The following SRPX2 variants were observed in gnomAD, a reference collection of about 807,000 sequenced individuals.
The protein encoded by SRPX2 is sushi repeat-containing protein SRPX2.
SRPX2 carries 26 observed loss-of-function variants against 45.3 expected under a neutral mutation model. The observed-to-expected ratio is 0.57, with a 90% confidence interval of 0.42 to 0.80. SRPX2 has a LOEUF of 0.80. Ranked by LOEUF, SRPX2 falls within the 30% of genes least tolerant of loss-of-function variation. The pLI is 0.00. For missense variants in SRPX2, 355 were observed against 399.8 expected, an observed-to-expected ratio of 0.89 and a Z score of 0.95; for synonymous variants, 125 against 143.7, an observed-to-expected ratio of 0.87 and a Z score of 0.93.
rs994912682 is a variant in SRPX2, at chrX:100,673,271, G to C, written c.*2284G>C. On this transcript the variant is annotated 3_prime_UTR_variant, in exon 11 of 11. Coordinates refer to ENST00000373004, the MANE Select transcript of SRPX2 (RefSeq NM_014467.3). ...AGAGCTCCACCTGGACCTGACTCAA[G>C]GAACATTTATATGCAACTGAGGAGC... 3.5e-4 allele frequency: 39 copies of C among 112,331 alleles called. No individual in the cohort carries two copies. The highest frequency in any genetic ancestry group is 1.2e-3 in the African/African-American group (38 of 30,918). The allele number at this position is 112,331 out of a possible 1,213,427, so 9.3% of individuals were successfully genotyped here. A position where few individuals can be genotyped will look rare whatever the true frequency, so the allele number is the denominator to read the frequency against.
At chrX:100,650,942 A>C in intron 3 of SRPX2, 77 bp downstream of exon 3, 1 of 840,973 alleles carries the variant, frequency 1.2e-6, no homozygotes, top group Non-Finnish European at 1.8e-6. Context: ...AAGCATCCCC[A>C]TCAGGCTTGG....
chrX:100,651,805 A>AG (rs1435607862), intron 3 of SRPX2, among the ~76,000 whole-genome samples: 4 of 109,341 alleles, frequency 3.7e-5, no homozygotes, highest in Non-Finnish European at 7.6e-5. Context: ...AAAAAAAAAA[A>AG]AAAGTTAAAT....
chrX:100,668,327 CAA>C (rs1267822417), intron 9 of SRPX2, among the ~76,000 whole-genome samples: 8 of 34,349 alleles, frequency 2.3e-4, no homozygotes, highest in Middle Eastern at 0.026. Flanking sequence ...AGCAGTTTTA[CAA>C]AAAAAAAAAA....
At position 100,644,768 on chromosome X, in the gene SRPX2, T is replaced by C. The variant is rs770129404; in HGVS notation, c.-131+253T>C. ...GGTGAGTCAAGTATTAAGCCTGAGATTGGGGAGAAGCTGGGCAGGTACGAG... is the reference window on the plus strand; with the variant it reads ...GGTGAGTCAAGTATTAAGCCTGAGACTGGGGAGAAGCTGGGCAGGTACGAG... On this transcript the variant is annotated intron_variant, in intron 1 of 10. Transcript: ENST00000373004. Among the ~76,000 whole-genome samples the C allele has an allele frequency of 4.3e-4, 48 of 110,942 alleles. No homozygotes were observed. In the South Asian group the frequency reaches 0.014, roughly 33 times the overall value.
intron 10 of SRPX2, 28 bp downstream of exon 10, chrX:100,669,397 GGGGGAGGGGGGGCT>G: frequency 1.1e-5 from 11 of 1,009,769 alleles, no homozygotes; most frequent in Non-Finnish European, 1.5e-5. Flanking sequence ...GCCAAACTTG[GGGGGAGGGGGGGCT>G]GGGGCGGGGG....
At chrX:100,664,215 A>ATT (rs5903167) in intron 4 of SRPX2, among the ~76,000 whole-genome samples, 19,877 of 98,602 alleles carry the variant, frequency 0.2, 1,575 homozygotes, top group South Asian at 0.3. Context: ...GTCAGGTCTG[A>ATT]TTTTTTTTTT....
At position 100,673,479 on chromosome X, in the gene SRPX2, G is replaced by A. The variant is rs901870545; in HGVS notation, c.*2492G>A. Reference sequence around the variant, plus strand: ...ACCCAAAGGGGCTAGCCCGACCCCTGTATATATTGTACCTCTCTCTCTGCC... The same window carrying A: ...ACCCAAAGGGGCTAGCCCGACCCCTATATATATTGTACCTCTCTCTCTGCC... On this transcript the variant is annotated 3_prime_UTR_variant, in exon 11 of 11. Coordinates refer to ENST00000373004, the MANE Select transcript of SRPX2 (RefSeq NM_014467.3). The A allele has an allele frequency of 6.4e-5, 7 of 110,096 alleles. No homozygotes were observed. Among genetic ancestry groups the A allele is most frequent in the African/African-American group, 1.3e-4 (4 of 30,199 alleles). 9.1% of individuals were successfully genotyped at this position (110,096 alleles called of 1,213,427 possible). A position where few individuals can be genotyped will look rare whatever the true frequency, so the allele number is the denominator to read the frequency against.
rs146920180 is a variant in SRPX2, at chrX:100,667,323, A to G, written c.1011A>G (p.Gln337=). Residue 337 remains glutamine, a synonymous_variant, in exon 9 of 11, where the codon CAA becomes CAG. Transcript: ENST00000373004. The stretch of plus-strand genomic sequence containing the variant: ...ACTCAGCTGCTGGTCTCTTGGATCA[A>G]TTCTATGAGAAACAGCGACTCCTCA... ...NVNSAAGLLD[Q]FYEKQRLLII... is the part of the protein sequence containing the mutation. 3.4e-5 allele frequency: 41 copies of G among 1,208,773 alleles called. No individual in the cohort carries two copies. The highest frequency in any genetic ancestry group is 4.2e-5 in the Non-Finnish European group (38 of 894,420).
Position 100,669,410 on chromosome X carries a change from C to CGGG in SRPX2, c.1217+41_1217+42insGGG. The CGGG allele has an allele frequency of 5.6e-5, 2 of 35,652 alleles. 1 individual carries two copies. 2.9% of individuals were successfully genotyped at this position (35,652 alleles called of 1,213,427 possible). A position where few individuals can be genotyped will look rare whatever the true frequency, so the allele number is the denominator to read the frequency against. ...CTGCCAAACTTGGGGGGAGGGGGGG[C>CGGG]TGGGGCGGGGGGAGAAACCCTAGGC... On this transcript the variant is annotated intron_variant, in intron 10 of 10. Transcript: ENST00000373004.
At chrX:100,651,019 C>G in intron 3 of SRPX2, 154 bp downstream of exon 3, 2 of 468,575 alleles carry the variant, frequency 4.3e-6, no homozygotes, top group Non-Finnish European at 3.7e-6. Context: ...AACTTGGTTA[C>G]TGACTTACTG....
chrX:100,664,612 C>T (rs2083198259), intron 4 of SRPX2, among the ~76,000 whole-genome samples, 162 bp from the exon 5 acceptor site: 1 of 111,593 alleles, frequency 9.0e-6, no homozygotes, highest in African/African-American at 3.3e-5. Context: ...AATACAAAGA[C>T]AATTAGGGAA....
At chrX:100,650,017 C>T (rs181432046) in intron 2 of SRPX2, among the ~76,000 whole-genome samples, 39 of 112,048 alleles carry the variant, frequency 3.5e-4, no homozygotes, top group African/African-American at 1.2e-3. Flanking sequence ...CCCAGACAGC[C>T]GCAGACCTGC....
chrX:100,646,642 T>C (rs1024658017), intron 2 of SRPX2, among the ~76,000 whole-genome samples: 1 of 112,061 alleles, frequency 8.9e-6, no homozygotes, highest in African/African-American at 3.2e-5. Flanking sequence ...CATGAGAAGG[T>C]TGGACATCAC....
chrX:100,657,787 A>G (rs984099018), intron 3 of SRPX2, among the ~76,000 whole-genome samples: 2 of 111,869 alleles, frequency 1.8e-5, no homozygotes, highest in Non-Finnish European at 3.8e-5. Context: ...CTTTTGAGAA[A>G]TATCTGTTCA....
rs2083223978 is a variant in SRPX2, at chrX:100,671,302, G to A, written c.*315G>A. On this transcript the variant is annotated 3_prime_UTR_variant, in exon 11 of 11. Coordinates refer to ENST00000373004, the MANE Select transcript of SRPX2 (RefSeq NM_014467.3). ...TAAATCCTAAATTCAGTGATGAACT[G>A]GCTGTTTTAACTGGTTCCTCTACCC... 1 of 330,659 alleles carries A rather than the reference G, an allele frequency of 3.0e-6. No individual in the cohort carries two copies. Among genetic ancestry groups the A allele is most frequent in the African/African-American group, 2.6e-5 (1 of 38,416 alleles). 27.3% of individuals were successfully genotyped at this position (330,659 alleles called of 1,213,427 possible).
At position 100,674,995 on chromosome X, in the gene SRPX2, T is replaced by G. The variant is rs934442116; in HGVS notation, c.*4008T>G. The stretch of plus-strand genomic sequence containing the variant: ...TACATTCCCTTAGAGCCCTTAACAG[T>G]CCCCAGCCTGGAGAAACACTGGGCC... On this transcript the variant is annotated 3_prime_UTR_variant, in exon 11 of 11. Coordinates refer to ENST00000373004, the MANE Select transcript of SRPX2 (RefSeq NM_014467.3). 8.9e-6 allele frequency: 1 copy of G among 111,794 alleles called. No individual in the cohort carries two copies. The highest frequency in any genetic ancestry group is 3.3e-5 in the African/African-American group (1 of 30,727). The allele number at this position is 111,794 out of a possible 1,213,427, so 9.2% of individuals were successfully genotyped here.
intron 7 of SRPX2, 104 bp from the exon 8 acceptor site, chrX:100,666,650 T>A: frequency 2.9e-6 from 3 of 1,028,766 alleles, no homozygotes; most frequent in Admixed American, 4.7e-5. Flanking sequence ...ATTTTTCTGA[T>A]CATCCTAAGT....
At chrX:100,669,159 G>A in intron 9 of SRPX2, 89 bp from the exon 10 acceptor site, 2 of 1,163,682 alleles carry the variant, frequency 1.7e-6, no homozygotes, top group East Asian at 3.0e-5. Context: ...TTCCCACACT[G>A]CTTCATATGG....
At chrX:100,650,628 A>G (rs1163146180) in intron 2 of SRPX2, among the ~76,000 whole-genome samples, 157 bp from the exon 3 acceptor site, 1 of 111,428 alleles carries the variant, frequency 9.0e-6, no homozygotes. Flanking sequence ...CTGCTGCCTT[A>G]CAATGCAGGA....
Sources: gnomAD v4.1 joint callset for allele counts (sites outside exome capture counted in the v4.1 genomes callset) on GRCh38, gnomAD v4.1.1 for gene constraint, MANE v1.5 for transcripts, NCBI Gene and HGNC (gene_info 2026-07-23, HGNC 2026-07-21) for gene names.